The following FARS2 variants were observed in gnomAD, a reference collection of about 807,000 sequenced individuals.
FARS2 encodes the protein phenylalanine--tRNA ligase, mitochondrial.
In FARS2, 40 loss-of-function variants were observed where a neutral mutation model predicts 46.4. The observed-to-expected ratio is 0.86, with a 90% CI of 0.67 to 1.12. The LOEUF is 1.12. FARS2 is among the 50% of genes most tolerant of loss of function. The probability of loss-of-function intolerance (pLI) is 0.00; values close to 1 mark genes in which losing one functional copy is unlikely to be tolerated. For synonymous variants in FARS2, 234 were observed against 214.9 expected (o/e 1.09, Z -0.78); for missense variants, 513 against 567.9 (o/e 0.90, Z 0.98).
chr6:5,354,346 A>AC (rs1243972202), intron 1 of FARS2, among the ~76,000 whole-genome samples: 2 of 152,198 alleles, frequency 1.3e-5, no homozygotes, highest in Non-Finnish European at 2.9e-5. Context: ...GGATCTGCTG[A>AC]CCAACGGAAA....
chr6:5,555,167 C>T (rs989685293), intron 5 of FARS2, among the ~76,000 whole-genome samples: 2 of 152,022 alleles, frequency 1.3e-5, no homozygotes, highest in Admixed American at 6.6e-5. Flanking sequence ...TCTGCTTTTA[C>T]GTCTTCCTCA....
At chr6:5,618,541 C>T (rs1775595293) in intron 6 of FARS2, among the ~76,000 whole-genome samples, 1 of 152,120 alleles carries the variant, frequency 6.6e-6, no homozygotes, top group African/African-American at 2.4e-5. Flanking sequence ...AAAACAGATC[C>T]CAAGATGTTT....
At chr6:5,450,952 TGCCTCA>T (rs1199752973) in intron 4 of FARS2, among the ~76,000 whole-genome samples, 1 of 152,180 alleles carries the variant, frequency 6.6e-6, no homozygotes, top group Admixed American at 6.5e-5. Context: ...CTGCTTTGTT[TGCCTCA>T]GCCTCCTTTC....
In FARS2 at chr6:5,403,416, G is replaced by T. The variant is rs143658756; in HGVS notation, c.613-1126G>T. ...CTTTCCCTTTTGTCTCACTTCCATG[G>T]TAAGCTGTTACAACCCATGTTCAGG... On this transcript the variant is annotated intron_variant, in intron 2 of 6. Coordinates refer to ENST00000274680, the MANE Select transcript of FARS2 (RefSeq NM_006567.5). Among the ~76,000 whole-genome samples, 578 of 152,230 alleles carry T rather than the reference G, an allele frequency of 3.8e-3. 4 individuals carry two copies. The highest frequency in any genetic ancestry group is 0.013 in the African/African-American group (549 of 41,544).
chr6:5,559,886 A>G (rs1771889114), intron 5 of FARS2, among the ~76,000 whole-genome samples: 1 of 152,180 alleles, frequency 6.6e-6, no homozygotes, highest in Non-Finnish European at 1.5e-5. Flanking sequence ...GAACAGAGGC[A>G]GGAGGACAAG....
chr6:5,769,697 G>C (rs1270341524), intron 6 of FARS2, among the ~76,000 whole-genome samples: 1 of 152,146 alleles, frequency 6.6e-6, no homozygotes, highest in African/African-American at 2.4e-5. Context: ...TGAGGGAATG[G>C]GGCAGGCCTC....
chr6:5,562,929 G>A (rs920009560), intron 5 of FARS2, among the ~76,000 whole-genome samples: 4 of 151,294 alleles, frequency 2.6e-5, no homozygotes, highest in South Asian at 2.1e-4. Context: ...TAAGCCTCCC[G>A]AGTAGCTGGG....
chr6:5,389,556 G>A (rs1049978688), intron 2 of FARS2, among the ~76,000 whole-genome samples: 5 of 152,204 alleles, frequency 3.3e-5, no homozygotes, highest in Non-Finnish European at 5.9e-5. Flanking sequence ...GAGCAAGAAT[G>A]TCCTGTGGTG....
At chr6:5,684,092 C>T (rs76121789) in intron 6 of FARS2, among the ~76,000 whole-genome samples, 3,516 of 152,224 alleles carry the variant, frequency 0.023, 150 homozygotes, top group African/African-American at 0.081. Context: ...TAACTTTCCC[C>T]CTCAGAACGC....
At chr6:5,467,570 C>T (rs768106123) in intron 4 of FARS2, among the ~76,000 whole-genome samples, 2 of 152,290 alleles carry the variant, frequency 1.3e-5, no homozygotes, top group East Asian at 3.9e-4. Flanking sequence ...AGAATGTGGG[C>T]TTTCCATACT....
chr6:5,715,384 GC>G (rs1480646241), intron 6 of FARS2, among the ~76,000 whole-genome samples: 1 of 152,042 alleles, frequency 6.6e-6, no homozygotes, highest in Non-Finnish European at 1.5e-5. Flanking sequence ...TGCGTTCGTC[GC>G]CACAGTTGAT....
chr6:5,612,707 A>G lies in FARS2; in HGVS notation c.1066-462A>G, dbSNP rs148088340. ...ACTTATCAACCCAATCCTTTATTTTAGTAATTAGAAATACTAACAAATAAT... is the reference window on the plus strand; with the variant it reads ...ACTTATCAACCCAATCCTTTATTTTGGTAATTAGAAATACTAACAAATAAT... On this transcript the variant is annotated intron_variant, in intron 5 of 6. Transcript: ENST00000274680. 1.9e-3 allele frequency among the ~76,000 whole-genome samples: 283 copies of G among 152,328 alleles called. 6 individuals are homozygous for G. In the East Asian group the frequency reaches 0.041, roughly 22 times the overall value.
At chr6:5,650,844 T>A (rs1777324901) in intron 6 of FARS2, among the ~76,000 whole-genome samples, 1 of 152,090 alleles carries the variant, frequency 6.6e-6, no homozygotes, top group Non-Finnish European at 1.5e-5. Context: ...GGAGAGGGAG[T>A]GTGCTCCAAT....
chr6:5,743,554 G>C (rs1229343411), intron 6 of FARS2, among the ~76,000 whole-genome samples: 3 of 152,218 alleles, frequency 2.0e-5, no homozygotes, highest in African/African-American at 7.2e-5. Context: ...CCTTATGAAA[G>C]TTTCATGCTA....
chr6:5,468,322 A>G lies in FARS2; in HGVS notation c.904+37150A>G, dbSNP rs115217278. Among the ~76,000 whole-genome samples, 366 of 152,078 alleles carry G rather than the reference A, an allele frequency of 2.4e-3. 1 individual carries two copies. The highest frequency in any genetic ancestry group is 8.6e-3 in the African/African-American group (355 of 41,484). On this transcript the variant is annotated intron_variant, in intron 4 of 6. Transcript: ENST00000274680. ...TAGCTCAAGATTTCAGAGCATGCCA[A>G]TTAGATATTTTTTCCCTTGGCTGGT...
intron 1 of FARS2, among the ~76,000 whole-genome samples, chr6:5,269,794 C>T (rs181297385): frequency 1.3e-5 from 2 of 152,228 alleles, no homozygotes; most frequent in Non-Finnish European, 2.9e-5. Flanking sequence ...CGATACATAT[C>T]GTTGATAGTA....
intron 2 of FARS2, chr6:5,371,101 G>C: frequency 1.2e-5 from 8 of 652,250 alleles, no homozygotes; most frequent in Non-Finnish European, 1.5e-5. Context: ...TCTGTATTCT[G>C]CTTTTTTTCA....
rs142906074 is a variant in FARS2 at position 5,412,886 on chromosome 6, C to T, written c.772+8185C>T. On this transcript the variant is annotated intron_variant, in intron 3 of 6. Coordinates refer to ENST00000274680, the MANE Select transcript of FARS2 (RefSeq NM_006567.5). The stretch of plus-strand genomic sequence containing the variant: ...AATTTTGACTTGTCTGTACTCGCCT[C>T]GCCGTAGCTTAGATGTAGTCTAGAG... Among the ~76,000 whole-genome samples, 13 of 147,146 alleles carry T rather than the reference C, an allele frequency of 8.8e-5. No individual in the cohort carries two copies. In the East Asian group the frequency reaches 2.0e-3, roughly 23 times the overall value.
chr6:5,649,630 A>G (rs1243372227), intron 6 of FARS2, among the ~76,000 whole-genome samples: 2 of 152,268 alleles, frequency 1.3e-5, no homozygotes, highest in African/African-American at 2.4e-5. Flanking sequence ...ATGGCAACTC[A>G]ATAAAGTGAA....
Sources: gnomAD v4.1 joint callset for allele counts (sites outside exome capture counted in the v4.1 genomes callset) on GRCh38, gnomAD v4.1.1 for gene constraint, MANE v1.5 for transcripts, NCBI Gene and HGNC (gene_info 2026-07-23, HGNC 2026-07-21) for gene names.